Variants in ZNF385D observed in about 807,000 individuals in gnomAD.
The protein encoded by ZNF385D is zinc finger protein 385D.
In ZNF385D, 15 loss-of-function variants were observed where a neutral mutation model predicts 35.8. The ratio of observed to expected loss-of-function variants is 0.42; its 90% CI spans 0.28 to 0.64. The LOEUF (loss-of-function observed/expected upper bound fraction) is 0.64. Among genes scored for constraint, ZNF385D ranks in the 30% least tolerant of loss-of-function variants. The pLI, the probability that ZNF385D is intolerant of heterozygous loss-of-function variation, is 0.23. For synonymous variants in ZNF385D, 212 were observed against 186.8 expected (o/e 1.13, Z -1.10); for missense variants, 474 against 494.6 (o/e 0.96, Z 0.39).
intron 3 of ZNF385D, among the ~76,000 whole-genome samples, chr3:21,992,624 C>A (rs770287658): frequency 6.6e-6 from 1 of 152,130 alleles, no homozygotes; most frequent in African/African-American, 2.4e-5. Context: ...CAAGAAAAAT[C>A]TCTCTGAAGC....
chr3:22,155,499 A>G (rs1220510081), intron 3 of ZNF385D, among the ~76,000 whole-genome samples: 1 of 152,056 alleles, frequency 6.6e-6, no homozygotes, highest in Non-Finnish European at 1.5e-5. Flanking sequence ...ACACTGGGAC[A>G]CTTTTGTTAG....
At chr3:21,755,468 C>T (rs1445111479), upstream of ZNF385D, among the ~76,000 whole-genome samples, 2 of 152,188 alleles carry the variant, frequency 1.3e-5, no homozygotes, top group African/African-American at 4.8e-5. Flanking sequence ...CTATAATTCA[C>T]CTGAAGACTA....
intron 1 of ZNF385D, among the ~76,000 whole-genome samples, chr3:21,708,604 G>T (rs895275339): frequency 5.3e-5 from 8 of 152,182 alleles, no homozygotes; most frequent in Non-Finnish European, 8.8e-5. Context: ...AATTTTAAAA[G>T]ATGCTTTCAC....
intron 2 of ZNF385D, among the ~76,000 whole-genome samples, chr3:22,296,473 G>A (rs1702584454): frequency 6.6e-6 from 1 of 152,104 alleles, no homozygotes; most frequent in African/African-American, 2.4e-5. Context: ...TATGTCTAAT[G>A]CCTATGAAAG....
chr3:21,510,817 A>G (rs375785624), intron 4 of ZNF385D, 44 bp downstream of exon 4: 9 of 1,608,594 alleles, frequency 5.6e-6, no homozygotes, highest in African/African-American at 5.3e-5. Context: ...GGGAATCCCC[A>G]ACGACGACGA....
intron 4 of ZNF385D, among the ~76,000 whole-genome samples, chr3:21,480,596 A>G (rs1027389722): frequency 1.3e-5 from 2 of 152,064 alleles, no homozygotes; most frequent in African/African-American, 2.4e-5. Flanking sequence ...TCCAATGAAG[A>G]AAGATCGGAA....
At chr3:21,532,988 G>T (rs1295245846) in intron 3 of ZNF385D, among the ~76,000 whole-genome samples, 2 of 152,190 alleles carry the variant, frequency 1.3e-5, no homozygotes, top group Non-Finnish European at 2.9e-5. Flanking sequence ...GAGGGTTAAA[G>T]ATCTTGTAAT....
chr3:22,125,089 C>T (rs56365895), intron 3 of ZNF385D, among the ~76,000 whole-genome samples: 25,875 of 151,974 alleles, frequency 0.17, 2,658 homozygotes, highest in Middle Eastern at 0.25. Flanking sequence ...TAATTTTATT[C>T]TGTATGGGAA....
At chr3:22,027,430 G>C (rs1003336304) in intron 3 of ZNF385D, among the ~76,000 whole-genome samples, 6 of 152,170 alleles carry the variant, frequency 3.9e-5, no homozygotes, top group African/African-American at 1.4e-4. Context: ...TGACAGATAG[G>C]GATGCTGTTT....
intron 3 of ZNF385D, among the ~76,000 whole-genome samples, chr3:21,767,015 T>G (rs1200820332): frequency 2.0e-5 from 3 of 152,054 alleles, no homozygotes; most frequent in African/African-American, 7.2e-5. Flanking sequence ...TCAAATGTAA[T>G]TCGTTCCTTT....
At chr3:22,044,093 CTTTT>C (rs5847157) in intron 3 of ZNF385D, among the ~76,000 whole-genome samples, 1 of 146,804 alleles carries the variant, frequency 6.8e-6, no homozygotes, top group Admixed American at 6.8e-5. Context: ...CTGGGAAAAA[CTTTT>C]TTTTTTTTTT....
chr3:21,581,288 A>C (rs775454831), intron 2 of ZNF385D, among the ~76,000 whole-genome samples: 8 of 152,084 alleles, frequency 5.3e-5, no homozygotes, highest in Admixed American at 3.3e-4. Context: ...TGTATATCAG[A>C]TGTATAATTC....
chr3:21,530,246 C>G (rs1229836077), intron 3 of ZNF385D, among the ~76,000 whole-genome samples: 1 of 152,126 alleles, frequency 6.6e-6, no homozygotes, highest in African/African-American at 2.4e-5. Context: ...AAATAAATGT[C>G]TTTTCTTTAT....
Position 21,424,317 on chromosome 3 carries a change from A to ATATATATATT in ZNF385D, c.853-254_853-253insAATATATATA, listed in dbSNP as rs1221923155. Among the ~76,000 whole-genome samples, 623 of 63,788 alleles carry ATATATATATT rather than the reference A, an allele frequency of 9.8e-3. 30 individuals carry two copies. Among genetic ancestry groups the ATATATATATT allele is most frequent in the African/African-American group, 0.037 (607 of 16,294 alleles). The allele number at this position is 63,788 out of a possible 152,430, so 41.8% of individuals were successfully genotyped here. On this transcript the variant is annotated intron_variant, in intron 6 of 7. Coordinates refer to ENST00000281523, the MANE Select transcript of ZNF385D (RefSeq NM_024697.3). ...TATATATATTTATATATATATATAT[A>ATATATATATT]TTTTTTTTTTTTTTTGAGATGGAGT...
At chr3:21,697,992 T>C (rs2067531716) in intron 1 of ZNF385D, among the ~76,000 whole-genome samples, 1 of 152,164 alleles carries the variant, frequency 6.6e-6, no homozygotes, top group Admixed American at 6.5e-5. Flanking sequence ...ACATACACTG[T>C]TGGTGGGAAT....
At chr3:22,124,254 T>A (rs1024565433) in intron 3 of ZNF385D, among the ~76,000 whole-genome samples, 22 of 152,062 alleles carry the variant, frequency 1.4e-4, no homozygotes, top group African/African-American at 5.3e-4. Context: ...GCAAATGACA[T>A]GATCTCATTC....
At chr3:21,882,813 G>GT (rs975160481) in intron 3 of ZNF385D, among the ~76,000 whole-genome samples, 13 of 152,068 alleles carry the variant, frequency 8.5e-5, no homozygotes, top group African/African-American at 2.6e-4. Flanking sequence ...ATTATGTAGA[G>GT]TTTTTTTATG....
intron 3 of ZNF385D, among the ~76,000 whole-genome samples, chr3:21,558,772 A>T (rs1489559596): frequency 6.6e-6 from 1 of 152,018 alleles, no homozygotes; most frequent in Non-Finnish European, 1.5e-5. Context: ...TTGTGTGGGA[A>T]TCTAAGTCTC....
chr3:22,299,433 A>G (rs892435254), intron 2 of ZNF385D, among the ~76,000 whole-genome samples: 1 of 151,874 alleles, frequency 6.6e-6, no homozygotes. Context: ...GGAGGAATAT[A>G]TATAAGTAAC....
Sources: allele counts gnomAD v4.1 joint callset (sites outside exome capture counted in the v4.1 genomes callset), GRCh38; gene constraint gnomAD v4.1.1; transcripts MANE v1.5; gene names NCBI Gene and HGNC (gene_info 2026-07-23, HGNC 2026-07-21).